Variants in LARP4 observed in about 807,000 individuals in gnomAD.
LARP4 encodes the protein la-related protein 4.
In LARP4, 29 loss-of-function variants were observed where a neutral mutation model predicts 92.9. That is an observed-to-expected ratio of 0.31 (90% CI 0.23 to 0.43). The LOEUF is 0.43. Among genes scored for constraint, LARP4 ranks in the 20% least tolerant of loss-of-function variants. The probability of loss-of-function intolerance (pLI) is 1.00; values close to 1 mark genes in which losing one functional copy is unlikely to be tolerated. For synonymous variants in LARP4, 279 were observed against 284.1 expected (o/e 0.98, Z 0.18); for missense variants, 732 against 860.0 (o/e 0.85, Z 1.86).
intron 1 of LARP4, among the ~76,000 whole-genome samples, chr12:50,420,397 A>C (rs1411193906): frequency 6.6e-6 from 1 of 152,224 alleles, no homozygotes; most frequent in East Asian, 1.9e-4. Flanking sequence ...GGAGTTTCAG[A>C]AGAGAATAAT....
intron 1 of LARP4, among the ~76,000 whole-genome samples, chr12:50,424,831 G>C (rs1948462747): frequency 6.6e-6 from 1 of 151,940 alleles, no homozygotes; most frequent in Non-Finnish European, 1.5e-5. Flanking sequence ...CTCAATCATT[G>C]TGTGTTTAGA....
chr12:50,438,054 A>G (rs187959021), intron 6 of LARP4, among the ~76,000 whole-genome samples: 6 of 152,236 alleles, frequency 3.9e-5, no homozygotes, highest in East Asian at 1.9e-4. Context: ...ATATAGTTCT[A>G]TTTTCTTAGA....
chr12:50,446,037 C>T (rs1951975582), intron 8 of LARP4, among the ~76,000 whole-genome samples: 1 of 136,468 alleles, frequency 7.3e-6, no homozygotes, highest in Non-Finnish European at 1.5e-5. Context: ...GAGTCTCGCT[C>T]TGTCGCCCAG....
Position 50,400,982 on chromosome 12 carries a change from G to C in LARP4, c.-29G>C. The stretch of plus-strand genomic sequence containing the variant: ...GTGAGCCAGTTGGAGTTGCGGCGGC[G>C]GGAACGATTGGGCTGAGCAGAGGAC... On this transcript the variant is annotated 5_prime_UTR_variant, in exon 1 of 16. Transcript: ENST00000398473. The C allele has an allele frequency of 6.2e-7, 1 of 1,614,104 alleles. No homozygotes were observed.
intron 10 of LARP4, among the ~76,000 whole-genome samples, chr12:50,458,872 C>T (rs1381615551): frequency 6.6e-6 from 1 of 152,204 alleles, no homozygotes; most frequent in East Asian, 1.9e-4. Context: ...AACCACATTG[C>T]ATACCTTAAT....
chr12:50,445,076 T>C (rs1453410318), intron 8 of LARP4, among the ~76,000 whole-genome samples: 1 of 147,336 alleles, frequency 6.8e-6, no homozygotes. Context: ...TTTTCTACTT[T>C]TTTTGTGGTA....
At chr12:50,410,798 C>G (rs968945909) in intron 1 of LARP4, among the ~76,000 whole-genome samples, 1 of 152,060 alleles carries the variant, frequency 6.6e-6, no homozygotes, top group Non-Finnish European at 1.5e-5. Context: ...CAGAGTGATT[C>G]GTGACCCCCA....
In LARP4 at chr12:50,479,158, C is replaced by CT. The variant is rs1957723377; in HGVS notation, c.*3296dup. The CT allele has an allele frequency of 1.3e-5, 2 of 152,490 alleles. No homozygotes were observed. The highest frequency in any genetic ancestry group is 4.1e-4 in the South Asian group (2 of 4,824). The allele number at this position is 152,490 out of a possible 1,614,324, so 9.4% of individuals were successfully genotyped here. A position where few individuals can be genotyped will look rare whatever the true frequency, so the allele number is the denominator to read the frequency against. On this transcript the variant is annotated 3_prime_UTR_variant, in exon 16 of 16. Transcript: ENST00000398473. ...CTTCTCTAGTTTTCTTAGTTATGGC[C>CT]TTAATAATTAGTCTCTTGGCTTAAA... is the stretch of plus-strand genomic sequence containing the variant.
Position 50,477,618 on chromosome 12 carries a change from T to C in LARP4, c.*1754T>C, listed in dbSNP as rs769196289. ...AAGAGCTTTGAAAACACTGCACATA[T>C]CTGTACAAGCCAGAATTACTATTTC... On this transcript the variant is annotated 3_prime_UTR_variant, in exon 16 of 16. Coordinates refer to ENST00000398473, the MANE Select transcript of LARP4 (RefSeq NM_052879.5). 23 of 152,676 alleles carry C rather than the reference T, an allele frequency of 1.5e-4. No homozygotes were observed. Among genetic ancestry groups the C allele is most frequent in the Non-Finnish European group, 8.8e-5 (6 of 67,946 alleles). The allele number at this position is 152,676 out of a possible 1,614,324, so 9.5% of individuals were successfully genotyped here.
chr12:50,444,019 C>G (rs183749045), intron 8 of LARP4, among the ~76,000 whole-genome samples: 2 of 152,254 alleles, frequency 1.3e-5, no homozygotes, highest in East Asian at 3.9e-4. Flanking sequence ...CTTCTTAGAT[C>G]ATTACATTTT....
In LARP4 at chr12:50,401,007, CGACATGT is replaced by C; in HGVS notation, c.-3_4del. ...GGGAACGATTGGGCTGAGCAGAGGACGACATGTTGCTTTTCGTGGAGGTGAGTGCATT... is the reference window on the plus strand; with the variant it reads ...GGGAACGATTGGGCTGAGCAGAGGACTGCTTTTCGTGGAGGTGAGTGCATT... On this transcript the variant is annotated start_lost and 5_prime_UTR_variant, in exon 1 of 16. Coordinates refer to ENST00000398473, the MANE Select transcript of LARP4 (RefSeq NM_052879.5). The C allele has an allele frequency of 6.2e-7, 1 of 1,614,102 alleles. No individual in the cohort carries two copies. Among genetic ancestry groups the C allele is most frequent in the East Asian group, 2.2e-5 (1 of 44,868 alleles).
intron 5 of LARP4, among the ~76,000 whole-genome samples, chr12:50,435,964 AG>A (rs1950343491): frequency 7.3e-6 from 1 of 137,880 alleles, no homozygotes; most frequent in Non-Finnish European, 1.6e-5. Context: ...TTTTGTATAG[AG>A]GTGGGGTCTT....
At chr12:50,427,080 T>C (rs895417259) in intron 1 of LARP4, among the ~76,000 whole-genome samples, 5 of 152,256 alleles carry the variant, frequency 3.3e-5, no homozygotes, top group African/African-American at 1.2e-4. Context: ...GTAGTTATGC[T>C]GTGGACTTTA....
At chr12:50,468,395 G>A (rs754043434) in intron 13 of LARP4, among the ~76,000 whole-genome samples, 19 of 151,744 alleles carry the variant, frequency 1.3e-4, no homozygotes, top group Admixed American at 2.6e-4. Flanking sequence ...CTGGGTTCAC[G>A]CCATTCTCTT....
chr12:50,450,036 C>T (rs776648907), intron 8 of LARP4, among the ~76,000 whole-genome samples: 3 of 144,770 alleles, frequency 2.1e-5, no homozygotes, highest in Admixed American at 7.5e-5. Context: ...TGGGTTCAAG[C>T]GATTCCCCTG....
intron 8 of LARP4, among the ~76,000 whole-genome samples, chr12:50,449,923 ATTTTTT>A (rs60763691): frequency 4.3e-5 from 2 of 47,022 alleles, no homozygotes; most frequent in African/African-American, 8.5e-5. Context: ...AGCCATAGCA[ATTTTTT>A]TTTTTTTTTT....
At chr12:50,407,700 C>A (rs1205002036) in intron 1 of LARP4, among the ~76,000 whole-genome samples, 2 of 152,088 alleles carry the variant, frequency 1.3e-5, no homozygotes, top group East Asian at 3.9e-4. Flanking sequence ...AAAATATTAT[C>A]TGGGCATGTG....
chr12:50,421,514 C>A (rs564347532), intron 1 of LARP4, among the ~76,000 whole-genome samples: 14 of 151,860 alleles, frequency 9.2e-5, no homozygotes, highest in Non-Finnish European at 1.9e-4. Flanking sequence ...TGGTGGCACA[C>A]GCCTGTAATC....
At position 50,427,853 on chromosome 12, in the gene LARP4, A is replaced by T; in HGVS notation, c.110A>T (p.His37Leu). 1 of 1,603,796 alleles carries T rather than the reference A, an allele frequency of 6.2e-7. No homozygotes were observed. Among genetic ancestry groups the T allele is most frequent in the African/African-American group, 1.3e-5 (1 of 74,942 alleles). ...PGNTDATPVT[H>L]GTESSWHEIA... ...AATACTGATGCCACCCCAGTAACTCATGGAACTGAAAGCTCTTGGCATGAA... is the reference window on the plus strand; with the variant it reads ...AATACTGATGCCACCCCAGTAACTCTTGGAACTGAAAGCTCTTGGCATGAA... Residue 37 changes from histidine to leucine, a missense_variant, in exon 2 of 16, where the codon CAT becomes CTT. Transcript: ENST00000398473.
Sources: gnomAD v4.1 joint callset for allele counts (sites outside exome capture counted in the v4.1 genomes callset) on GRCh38, gnomAD v4.1.1 for gene constraint, MANE v1.5 for transcripts, NCBI Gene and HGNC (gene_info 2026-07-23, HGNC 2026-07-21) for gene names.